The following PTPRN2 variants were observed in gnomAD, a reference collection of about 807,000 sequenced individuals.
The protein encoded by PTPRN2 is receptor-type tyrosine-protein phosphatase N2.
A neutral mutation model predicts 118.8 loss-of-function variants in PTPRN2; 74 were observed. That is an observed-to-expected ratio of 0.62 (90% confidence interval 0.52 to 0.76). The LOEUF is 0.76. PTPRN2 is among the 30% of genes least tolerant of loss of function. The probability of loss-of-function intolerance (pLI) is 0.00; values close to 1 mark genes in which losing one functional copy is unlikely to be tolerated. For missense variants in PTPRN2, 1,481 were observed against 1,394.4 expected, an observed-to-expected ratio of 1.06 and a Z score of -0.99; for synonymous variants, 641 against 608.0, an observed-to-expected ratio of 1.05 and a Z score of -0.80.
At chr7:158,132,469 A>C (rs1170821113) in intron 9 of PTPRN2, among the ~76,000 whole-genome samples, 2 of 150,764 alleles carry the variant, frequency 1.3e-5, no homozygotes, top group African/African-American at 4.9e-5. Context: ...CACAACACAC[A>C]CTCGTATACA....
chr7:158,086,096 TCC>T (rs1813390508), intron 10 of PTPRN2, among the ~76,000 whole-genome samples: 1 of 152,198 alleles, frequency 6.6e-6, no homozygotes, highest in Non-Finnish European at 1.5e-5. Context: ...TCTTCGTGGC[TCC>T]CTTCTCCACC....
intron 3 of PTPRN2, among the ~76,000 whole-genome samples, chr7:158,281,232 T>A (rs1179323950): frequency 6.6e-6 from 1 of 152,178 alleles, no homozygotes; most frequent in Admixed American, 6.5e-5. Context: ...GAGGTTGCAA[T>A]GAGCTGGGAT....
chr7:157,682,735 G>T lies in PTPRN2; in HGVS notation c.1991C>A (p.Ala664Asp). 1 of 1,613,266 alleles carries T rather than the reference G, an allele frequency of 6.2e-7. No homozygotes were observed. Among genetic ancestry groups the T allele is most frequent in the Non-Finnish European group, 8.5e-7 (1 of 1,179,574 alleles). Residue 664 changes from alanine to aspartate, a missense_variant, in exon 13 of 23, where the codon GCC becomes GAC. Physicochemically the swap from Ala to Asp is moderately radical, Grantham distance 126. Coordinates refer to ENST00000389418, the MANE Select transcript of PTPRN2 (RefSeq NM_002847.5). ...LGGDPGADAT[A>D]AYQELCRQRM... ...AAAGTCTCCTCTTACCTGGTAGGCG[G>T]CAGTGGCATCTGCACCTGGGTCGCC...
intron 2 of PTPRN2, among the ~76,000 whole-genome samples, chr7:158,318,751 C>G (rs762258369): frequency 3.9e-5 from 6 of 152,266 alleles, no homozygotes; most frequent in Admixed American, 6.5e-5. Flanking sequence ...AAAATGCACC[C>G]CCGGGGTGGA....
In PTPRN2 at chr7:158,525,775, G is replaced by A. The variant is rs73729676; in HGVS notation, c.113-35990C>T. On this transcript the variant is annotated intron_variant, in intron 1 of 22. Coordinates refer to ENST00000389418, the MANE Select transcript of PTPRN2 (RefSeq NM_002847.5). The surrounding 1 kb of genome is among the most constrained non-coding windows in gnomAD (Gnocchi z 4.1). Reference sequence around the variant, plus strand: ...ACATCTCTGCTGGTCTCTCTCCACGGCACCTGCTCCACAGCCACCTCTCTC... The same window carrying A: ...ACATCTCTGCTGGTCTCTCTCCACGACACCTGCTCCACAGCCACCTCTCTC... Among the ~76,000 whole-genome samples the A allele has an allele frequency of 0.018, 2,749 of 152,214 alleles. 99 individuals carry two copies. Among genetic ancestry groups the A allele is most frequent in the African/African-American group, 0.063 (2,623 of 41,524 alleles).
chr7:158,126,011 C>G (rs935175434), intron 9 of PTPRN2, among the ~76,000 whole-genome samples: 5 of 151,676 alleles, frequency 3.3e-5, no homozygotes, highest in Admixed American at 3.3e-4. Context: ...CCACACCAGC[C>G]CCGGAGAGCG....
chr7:158,522,305 G>A (rs1563389622), intron 1 of PTPRN2, among the ~76,000 whole-genome samples: 3 of 97,984 alleles, frequency 3.1e-5, no homozygotes, highest in African/African-American at 4.6e-5. Flanking sequence ...TCACAATGGT[G>A]GACTGTCCGG....
chr7:157,713,598 A>G (rs1473271195), intron 12 of PTPRN2, among the ~76,000 whole-genome samples: 1 of 152,216 alleles, frequency 6.6e-6, no homozygotes, highest in Admixed American at 6.5e-5. Flanking sequence ...CCTCCCCGTC[A>G]CTGATACGGC....
intron 2 of PTPRN2, among the ~76,000 whole-genome samples, chr7:158,395,423 TGAGGGGC>T (rs1156647579): frequency 4.3e-4 from 2 of 4,670 alleles, no homozygotes; most frequent in Non-Finnish European, 3.9e-4. Context: ...GGGTGAGGGG[TGAGGGGC>T]GAGGGGTGAG....
chr7:157,965,662 G>T (rs892855499), intron 11 of PTPRN2, among the ~76,000 whole-genome samples: 1 of 152,168 alleles, frequency 6.6e-6, no homozygotes, highest in African/African-American at 2.4e-5. Flanking sequence ...CCAGCTCTCA[G>T]ATCAAGGTGT....
At chr7:157,696,525 G>A (rs1412185044) in intron 12 of PTPRN2, among the ~76,000 whole-genome samples, 84 of 81,054 alleles carry the variant, frequency 1.0e-3, no homozygotes, top group Admixed American at 1.6e-3. Flanking sequence ...ACTGGGTCTT[G>A]GCAGAGCCCT....
chr7:158,309,360 C>G (rs904772645), intron 3 of PTPRN2, among the ~76,000 whole-genome samples: 1 of 79,622 alleles, frequency 1.3e-5, no homozygotes, highest in South Asian at 4.4e-4. Flanking sequence ...ACACGCTACT[C>G]CCCTGCGGGA....
intron 11 of PTPRN2, among the ~76,000 whole-genome samples, chr7:157,914,741 T>C (rs1414855064): frequency 1.3e-5 from 2 of 152,202 alleles, no homozygotes; most frequent in Non-Finnish European, 2.9e-5. Context: ...AAAATGCTTA[T>C]GAACTGCATT....
chr7:157,786,585 C>T (rs994171675), intron 12 of PTPRN2, among the ~76,000 whole-genome samples: 1 of 152,148 alleles, frequency 6.6e-6, no homozygotes, highest in Admixed American at 6.5e-5. Context: ...GGGTGAGGAC[C>T]GGGCTCGCTC....
Position 158,509,203 on chromosome 7 carries a change from A to G in PTPRN2, c.113-19418T>C, listed in dbSNP as rs58682417. 6.5e-4 allele frequency among the ~76,000 whole-genome samples: 99 copies of G among 152,278 alleles called. No homozygotes were observed. The highest frequency in any genetic ancestry group is 2.1e-3 in the African/African-American group (89 of 41,550). On this transcript the variant is annotated intron_variant, in intron 1 of 22. Coordinates refer to ENST00000389418, the MANE Select transcript of PTPRN2 (RefSeq NM_002847.5). The surrounding 1 kb of genome is among the most constrained non-coding windows in gnomAD (Gnocchi z 4.4). ...TCCACCCAGCAGGCGGGACCAGTGG[A>G]CAGGCTGCAGCTCACAGGGTCCTTG...
intron 3 of PTPRN2, among the ~76,000 whole-genome samples, chr7:158,240,001 G>GA (rs1172289373): frequency 1.3e-5 from 2 of 152,306 alleles, no homozygotes; most frequent in East Asian, 3.9e-4. Context: ...TAAAGGAAAG[G>GA]AGGGGAGGTG....
Position 157,582,185 on chromosome 7 carries a change from C to A in PTPRN2, c.2497-4045G>T, listed in dbSNP as rs375098431. Among the ~76,000 whole-genome samples the A allele has an allele frequency of 4.0e-4, 61 of 152,332 alleles. 1 individual carries two copies. The South Asian group carries it at 0.012, about 29-fold the overall frequency. The stretch of plus-strand genomic sequence containing the variant: ...CTCTCTTCTTCACCCATCAAATCAC[C>A]CACAGGCGTGGAACAATGGCCACCC... On this transcript the variant is annotated intron_variant, in intron 17 of 22. Coordinates refer to ENST00000389418, the MANE Select transcript of PTPRN2 (RefSeq NM_002847.5).
chr7:157,985,021 G>A (rs1803665894), intron 11 of PTPRN2, among the ~76,000 whole-genome samples: 1 of 152,160 alleles, frequency 6.6e-6, no homozygotes, highest in Non-Finnish European at 1.5e-5. Flanking sequence ...CCACCTGCAG[G>A]TGGTGGTCTC....
At chr7:158,244,941 T>C (rs1054052592) in intron 3 of PTPRN2, among the ~76,000 whole-genome samples, 2 of 152,142 alleles carry the variant, frequency 1.3e-5, no homozygotes, top group African/African-American at 4.8e-5. Flanking sequence ...GTGGGGGCCG[T>C]GGGAGAAGCG....
Sources: gnomAD v4.1 joint callset for allele counts (sites outside exome capture counted in the v4.1 genomes callset) on GRCh38, gnomAD v4.1.1 for gene constraint, Gnocchi (gnomAD v3.1) non-coding constraint, MANE v1.5 for transcripts, NCBI Gene and HGNC (gene_info 2026-07-23, HGNC 2026-07-21) for gene names.